The following GPC6 variants were observed in gnomAD, a reference collection of about 807,000 sequenced individuals.
GPC6 encodes glypican-6.
In GPC6, 14 loss-of-function variants were observed where a neutral mutation model predicts 55.2. The ratio of observed to expected loss-of-function variants is 0.25; its 90% CI spans 0.17 to 0.40. The LOEUF is 0.40. Among genes scored for constraint, GPC6 ranks in the 10% least tolerant of loss-of-function variants. The probability of loss-of-function intolerance (pLI) is 1.00; values close to 1 mark genes in which losing one functional copy is unlikely to be tolerated. For synonymous variants in GPC6, 278 were observed against 259.6 expected, an observed-to-expected ratio of 1.07 and a Z score of -0.68; for missense variants, 641 against 708.5, an observed-to-expected ratio of 0.90 and a Z score of 1.08.
chr13:93,661,182 A>G (rs187320399), intron 2 of GPC6, among the ~76,000 whole-genome samples: 1 of 152,168 alleles, frequency 6.6e-6, no homozygotes, highest in Admixed American at 6.5e-5. Context: ...AATGTGCTGT[A>G]TTACCTTTCT....
chr13:94,157,915 G>A (rs1355615505), intron 4 of GPC6, among the ~76,000 whole-genome samples: 1 of 152,168 alleles, frequency 6.6e-6, no homozygotes, highest in Non-Finnish European at 1.5e-5. Context: ...GAAAGGGGGA[G>A]TCAAGGATAA....
chr13:93,510,209 A>G (rs750747658), intron 1 of GPC6, among the ~76,000 whole-genome samples: 1 of 152,050 alleles, frequency 6.6e-6, no homozygotes, highest in African/African-American at 2.4e-5. Flanking sequence ...CTTGAGTACA[A>G]TACATTTTTG....
intron 3 of GPC6, among the ~76,000 whole-genome samples, chr13:93,860,569 T>A (rs1002257463): frequency 6.6e-6 from 1 of 151,684 alleles, no homozygotes; most frequent in Non-Finnish European, 1.5e-5. Flanking sequence ...CTTTGAAATT[T>A]CTGTGCAGAA....
At chr13:93,916,647 A>G (rs992643525) in intron 3 of GPC6, among the ~76,000 whole-genome samples, 2 of 152,128 alleles carry the variant, frequency 1.3e-5, no homozygotes, top group Non-Finnish European at 2.9e-5. Flanking sequence ...TCTGCTGGCA[A>G]AAACTAGAAG....
chr13:94,271,043 G>A (rs1318326215), intron 4 of GPC6, among the ~76,000 whole-genome samples: 3 of 126,648 alleles, frequency 2.4e-5, no homozygotes, highest in Admixed American at 2.0e-4. Flanking sequence ...AGGCTGGAGT[G>A]CAGTGGCGCA....
At chr13:94,209,495 A>G (rs1890008813) in intron 4 of GPC6, among the ~76,000 whole-genome samples, 1 of 152,228 alleles carries the variant, frequency 6.6e-6, no homozygotes, top group South Asian at 2.1e-4. Flanking sequence ...ATCTGCAACC[A>G]GAGTACACTT....
At chr13:94,149,745 T>A (rs559025576) in intron 4 of GPC6, among the ~76,000 whole-genome samples, 2 of 152,002 alleles carry the variant, frequency 1.3e-5, no homozygotes, top group South Asian at 4.2e-4. Flanking sequence ...AGAGAAGAAA[T>A]ACAGGAAGGG....
At chr13:93,619,865 G>A (rs1878877776) in intron 2 of GPC6, among the ~76,000 whole-genome samples, 3 of 151,960 alleles carry the variant, frequency 2.0e-5, no homozygotes, top group Admixed American at 2.0e-4. Flanking sequence ...TGTTTTCATA[G>A]TATAGCAGAG....
chr13:93,898,019 G>A (rs1032154339), intron 3 of GPC6, among the ~76,000 whole-genome samples: 3 of 152,052 alleles, frequency 2.0e-5, no homozygotes, highest in Non-Finnish European at 2.9e-5. Flanking sequence ...GCTGGGGGAG[G>A]TTTTTCTACC....
chr13:93,901,669 G>A (rs1311306954), intron 3 of GPC6, among the ~76,000 whole-genome samples: 1 of 152,030 alleles, frequency 6.6e-6, no homozygotes, highest in Non-Finnish European at 1.5e-5. Context: ...TTGGAAGGCA[G>A]AGGTAGGTGG....
chr13:94,046,898 A>C (rs1883753573), intron 4 of GPC6, among the ~76,000 whole-genome samples: 1 of 152,174 alleles, frequency 6.6e-6, no homozygotes, highest in Non-Finnish European at 1.5e-5. Context: ...AATGTACAAT[A>C]TAAGCTTGCA....
At chr13:94,031,925 G>C (rs1319904249) in intron 4 of GPC6, among the ~76,000 whole-genome samples, 1 of 148,156 alleles carries the variant, frequency 6.7e-6, no homozygotes, top group Non-Finnish European at 1.5e-5. Flanking sequence ...TTAAAATTGA[G>C]GATGTGTGGG....
intron 1 of GPC6, among the ~76,000 whole-genome samples, chr13:93,466,035 A>G (rs1401160137): frequency 6.6e-6 from 1 of 152,194 alleles, no homozygotes; most frequent in Admixed American, 6.5e-5. Context: ...TAATTACAAT[A>G]ATAACATCAA....
intron 1 of GPC6, among the ~76,000 whole-genome samples, chr13:93,466,874 G>A (rs904771499): frequency 6.6e-6 from 1 of 152,164 alleles, no homozygotes; most frequent in Middle Eastern, 3.2e-3. Context: ...TATTAATTGA[G>A]TTATAATTCT....
chr13:93,909,107 G>A (rs968478603), intron 3 of GPC6, among the ~76,000 whole-genome samples: 8 of 152,010 alleles, frequency 5.3e-5, no homozygotes, highest in South Asian at 2.1e-4. Flanking sequence ...ACCTATTTCC[G>A]TAGCCTATAA....
At chr13:93,497,659 A>G (rs1435292431) in intron 1 of GPC6, among the ~76,000 whole-genome samples, 1 of 152,242 alleles carries the variant, frequency 6.6e-6, no homozygotes, top group Admixed American at 6.5e-5. Context: ...CTGAAGGACA[A>G]TTGATAACGT....
chr13:93,417,735 C>T (rs1244122619), intron 1 of GPC6, among the ~76,000 whole-genome samples: 5 of 151,942 alleles, frequency 3.3e-5, no homozygotes, highest in African/African-American at 1.2e-4. Context: ...AAATATATAT[C>T]CAGTTAAGAA....
chr13:93,949,112 G>T (rs117683874), intron 3 of GPC6, among the ~76,000 whole-genome samples: 3 of 151,934 alleles, frequency 2.0e-5, no homozygotes, highest in Non-Finnish European at 4.4e-5. Flanking sequence ...ATTTCCAGTG[G>T]CAAAGGCACT....
chr13:93,237,958 G>A (rs1185118922), intron 1 of GPC6, among the ~76,000 whole-genome samples: 1 of 151,986 alleles, frequency 6.6e-6, no homozygotes, highest in African/African-American at 2.4e-5. Context: ...ATGCTATTTG[G>A]GCTACTATAG....
Sources: allele counts gnomAD v4.1 joint callset (sites outside exome capture counted in the v4.1 genomes callset), GRCh38; gene constraint gnomAD v4.1.1; transcripts MANE v1.5; gene names NCBI Gene and HGNC (gene_info 2026-07-23, HGNC 2026-07-21).